CACNA1I: variants seen among roughly 807,000 people sequenced by gnomAD.
CACNA1I encodes calcium voltage-gated channel subunit alpha1 I.
Under a neutral mutation model 201.6 loss-of-function variants are expected in CACNA1I, and 74 were observed. That is an observed-to-expected ratio of 0.37 (90% CI 0.30 to 0.45). CACNA1I has a LOEUF of 0.45. Ranked by LOEUF, CACNA1I falls within the 20% of genes least tolerant of loss-of-function variation. The pLI is 1.00. For missense variants in CACNA1I, 2,346 were observed against 3,138.1 expected, an observed-to-expected ratio of 0.75 and a Z score of 6.03; for synonymous variants, 1,431 against 1,345.2, an observed-to-expected ratio of 1.06 and a Z score of -1.40.
At chr22:39,603,928 A>T (rs1470683479) in intron 3 of CACNA1I, among the ~76,000 whole-genome samples, 4 of 152,244 alleles carry the variant, frequency 2.6e-5, no homozygotes, top group African/African-American at 9.6e-5. Flanking sequence ...ATAAAAATCT[A>T]CAAGTTAAAA....
At chr22:39,596,487 T>C (rs1249389690) in intron 1 of CACNA1I, among the ~76,000 whole-genome samples, 134 of 11,230 alleles carry the variant, frequency 0.012, 1 homozygote, top group Admixed American at 0.023. Context: ...GGGAGCAGGA[T>C]GGAGAGAGAT....
At chr22:39,673,889 C>T (rs909558919) in intron 28 of CACNA1I, 74 bp from the exon 29 acceptor site, 41 of 1,383,924 alleles carry the variant, frequency 3.0e-5, no homozygotes, top group East Asian at 2.3e-4. Flanking sequence ...AGTTTACACA[C>T]GTGCACACAT....
At chr22:39,574,827 G>A (rs561458710) in intron 1 of CACNA1I, among the ~76,000 whole-genome samples, 4 of 152,326 alleles carry the variant, frequency 2.6e-5, no homozygotes, top group South Asian at 4.1e-4. Flanking sequence ...GGCCAGGCCC[G>A]GGAAGGGGAG....
intron 4 of CACNA1I, among the ~76,000 whole-genome samples, chr22:39,624,908 C>CT (rs136810): frequency 0.01 from 1,249 of 119,078 alleles, 14 homozygotes; most frequent in Non-Finnish European, 0.012. Context: ...GGGACACAGT[C>CT]TTTTTTTTTT....
intron 3 of CACNA1I, among the ~76,000 whole-genome samples, chr22:39,606,505 AT>A (rs567253922): frequency 8.3e-4 from 127 of 152,162 alleles, no homozygotes; most frequent in African/African-American, 2.9e-3. Context: ...CATCATCTCT[AT>A]TTGTGTTTGG....
chr22:39,631,665 GTCTC>G (rs999905051), intron 4 of CACNA1I, among the ~76,000 whole-genome samples: 33 of 152,304 alleles, frequency 2.2e-4, no homozygotes, highest in African/African-American at 7.9e-4. Flanking sequence ...TCTGTCTTCT[GTCTC>G]TCTTTCTGTC....
In CACNA1I at chr22:39,619,382, C is replaced by G. The variant is rs1933659143; in HGVS notation, c.555C>G (p.Pro185=). 7 of 1,609,032 alleles carry G rather than the reference C, an allele frequency of 4.4e-6. No individual in the cohort carries two copies. The East Asian group carries it at 1.6e-4, about 36-fold the overall frequency. ...SAIRTVRVLR[P]LKAINRVPSM... Reference sequence around the variant, plus strand: ...TCCGCACCGTGCGCGTCCTGAGGCCCCTCAAAGCCATCAACCGCGTGCCCA... The same window carrying G: ...TCCGCACCGTGCGCGTCCTGAGGCCGCTCAAAGCCATCAACCGCGTGCCCA... Residue 185 remains proline, a synonymous_variant, in exon 4 of 37, where the codon CCC becomes CCG. Coordinates refer to ENST00000402142, the MANE Select transcript of CACNA1I (RefSeq NM_021096.4).
rs1487385009 is a variant in CACNA1I, at chr22:39,662,285, G to C, written c.3222G>C (p.Val1074=). The change falls in exon 17 of 37, where the codon GTG becomes GTC. Residue 1074 remains valine, a synonymous_variant. Coordinates refer to ENST00000402142, the MANE Select transcript of CACNA1I (RefSeq NM_021096.4). ...SVDLAELVPA[V]GAHPRAAWRA... ...ACCTGGCCGAGCTGGTGCCCGCGGT[G>C]GGCGCCCACCCCCGGGCCGCCTGGA... The C allele has an allele frequency of 4.0e-6, 6 of 1,515,128 alleles. No individual in the cohort carries two copies. The East Asian group carries it at 1.3e-4, about 34-fold the overall frequency. 93.9% of individuals were successfully genotyped at this position (1,515,128 alleles called of 1,614,324 possible).
chr22:39,684,229 C>T lies in CACNA1I; in HGVS notation c.5831-73C>T. On this transcript the variant is annotated intron_variant, in intron 35 of 36. Coordinates refer to ENST00000402142, the MANE Select transcript of CACNA1I (RefSeq NM_021096.4). This position sits in a 1 kb window ranked among gnomAD's most constrained non-coding sequence, Gnocchi z 4.6. ...CTGCTGGCCCAGTGAGATTGGTGCT[C>T]AATGCCACCTTCCAGGGGCTGCCCC... The T allele has an allele frequency of 7.4e-7, 1 of 1,358,716 alleles. No individual in the cohort carries two copies. The highest frequency in any genetic ancestry group is 1.0e-6 in the Non-Finnish European group (1 of 967,828). The allele number at this position is 1,358,716 out of a possible 1,614,324, so 84.2% of individuals were successfully genotyped here. A position where few individuals can be genotyped will look rare whatever the true frequency, so the allele number is the denominator to read the frequency against.
intron 1 of CACNA1I, among the ~76,000 whole-genome samples, chr22:39,588,654 G>A (rs1242406373): frequency 3.3e-5 from 5 of 152,104 alleles, no homozygotes; most frequent in Non-Finnish European, 7.4e-5. Flanking sequence ...CAAAGTGCTG[G>A]GATTACAGGC....
Position 39,685,851 on chromosome 22 carries a change from G to C in CACNA1I, c.6118G>C (p.Asp2040His). 6.7e-7 allele frequency: 1 copy of C among 1,481,706 alleles called. No individual in the cohort carries two copies. Among genetic ancestry groups the C allele is most frequent in the Non-Finnish European group, 8.9e-7 (1 of 1,124,674 alleles). The allele number at this position is 1,481,706 out of a possible 1,614,324, so 91.8% of individuals were successfully genotyped here. A position where few individuals can be genotyped will look rare whatever the true frequency, so the allele number is the denominator to read the frequency against. The change falls in exon 37 of 37, where the codon GAC becomes CAC. Residue 2040 changes from aspartate (D) to histidine (H), a missense_variant. Asp to His is a moderately conservative substitution (Grantham distance 81). Around this residue, in one of 13 missense-constraint regions of CACNA1I, gnomAD observed 441 missense variants for 555.6 expected, o/e 0.79. Transcript: ENST00000402142. This position sits in a 1 kb window ranked among gnomAD's most constrained non-coding sequence, Gnocchi z 5.0. ...TTLEDSLTLSDSPRRALGPPA... is the reference protein window; with the variant it reads ...TTLEDSLTLSHSPRRALGPPA... ...GCTCGAGGACAGCCTGACCCTGAGC[G>C]ACAGCCCCCGGCGTGCCCTGGGGCC...
Position 39,595,149 on chromosome 22 carries a change from C to T in CACNA1I, c.237-3002C>T, listed in dbSNP as rs377360691. Among the ~76,000 whole-genome samples, 189 of 151,768 alleles carry T rather than the reference C, an allele frequency of 1.2e-3. 2 individuals carry two copies. The highest frequency in any genetic ancestry group is 1.7e-3 in the Non-Finnish European group (115 of 67,950). On this transcript the variant is annotated intron_variant, in intron 1 of 36. Transcript: ENST00000402142. ...CTAAAATACAAAAAAATTAGCCGGG[C>T]GTGGTGGCGGGCGCCTGTAGTCCCA...
Position 39,648,045 on chromosome 22 carries a change from G to A in CACNA1I, c.1567+119G>A, listed in dbSNP as rs1934543983. ...GGCGCTTGAGCAGCCGCGACCCTCT[G>A]CAGGCCTGTCTCCCTCTATAAAGTG... On this transcript the variant is annotated intron_variant, in intron 9 of 36. Transcript: ENST00000402142. The surrounding 1 kb of genome is among the most constrained non-coding windows in gnomAD (Gnocchi z 5.4). The A allele has an allele frequency of 3.5e-6, 3 of 847,128 alleles. No homozygotes were observed. Among genetic ancestry groups the A allele is most frequent in the African/African-American group, 1.7e-5 (1 of 59,296 alleles). 52.5% of individuals were successfully genotyped at this position (847,128 alleles called of 1,614,324 possible). A position where few individuals can be genotyped will look rare whatever the true frequency, so the allele number is the denominator to read the frequency against.
At position 39,685,077 on chromosome 22, in the gene CACNA1I, C is replaced by T. The variant is rs868090507; in HGVS notation, c.6027+579C>T. On this transcript the variant is annotated intron_variant, in intron 36 of 36. Coordinates refer to ENST00000402142, the MANE Select transcript of CACNA1I (RefSeq NM_021096.4). The surrounding 1 kb of genome is among the most constrained non-coding windows in gnomAD (Gnocchi z 5.0). ...TCCCACAGTGAGTGCAGTTGATTCA[C>T]TGGGTGACTGTCTGACCCGTCACAC... 8.0e-5 allele frequency: 14 copies of T among 175,176 alleles called. No homozygotes were observed. Among genetic ancestry groups the T allele is most frequent in the Middle Eastern group, 2.6e-3 (1 of 380 alleles). 10.9% of individuals were successfully genotyped at this position (175,176 alleles called of 1,614,324 possible).
chr22:39,652,081 T>C (rs1156318631), intron 10 of CACNA1I, among the ~76,000 whole-genome samples: 5 of 150,422 alleles, frequency 3.3e-5, no homozygotes, highest in African/African-American at 9.8e-5. Flanking sequence ...TTGTCCAGGC[T>C]GGAGTGCATT....
chr22:39,591,302 C>T (rs1380598199), intron 1 of CACNA1I, among the ~76,000 whole-genome samples: 1 of 151,836 alleles, frequency 6.6e-6, no homozygotes. Context: ...GCTGGGATTA[C>T]AGATGCCCGC....
rs752033947 is a variant in CACNA1I, at chr22:39,649,777, C to T, written c.1844C>T (p.Ala615Val). 3.7e-6 allele frequency: 6 copies of T among 1,605,992 alleles called. No individual in the cohort carries two copies. The highest frequency in any genetic ancestry group is 1.7e-5 in the Admixed American group (1 of 58,796). Residue 615 changes from alanine to valine, a missense_variant, in exon 10 of 37, where the codon GCG becomes GTG. Physicochemically the swap from Ala to Val is moderately conservative, Grantham distance 64. Coordinates refer to ENST00000402142, the MANE Select transcript of CACNA1I (RefSeq NM_021096.4). The surrounding 1 kb of genome is among the most constrained non-coding windows in gnomAD (Gnocchi z 7.3). ...LGKEEEEEEQ[A>V]DGAVWLCGDV... ...AAGGAGGAGGAGGAGGAGGAGCAGGCGGATGGGGCGGTCTGGCTGTGCGGG... is the reference window on the plus strand; with the variant it reads ...AAGGAGGAGGAGGAGGAGGAGCAGGTGGATGGGGCGGTCTGGCTGTGCGGG...
intron 10 of CACNA1I, 83 bp from the exon 11 acceptor site, chr22:39,658,069 C>A: frequency 1.4e-6 from 2 of 1,464,054 alleles, no homozygotes; most frequent in Non-Finnish European, 1.9e-6. Flanking sequence ...CAGGGTCACA[C>A]AGCCAGGGTG....
rs567647837 is a variant in CACNA1I at position 39,659,576 on chromosome 22, T to C, written c.2448+26T>C. ...GTGAGTGGCCGCTGCGTGTTCATGT[T>C]TGCTGGGGAAGCGATGGGACAGTAG... is the stretch of plus-strand genomic sequence containing the variant. On this transcript the variant is annotated intron_variant, in intron 13 of 36. Transcript: ENST00000402142. This position sits in a 1 kb window ranked among gnomAD's most constrained non-coding sequence, Gnocchi z 4.3. 2 of 1,604,100 alleles carry C rather than the reference T, an allele frequency of 1.2e-6. No homozygotes were observed. The highest frequency in any genetic ancestry group is 1.7e-6 in the Non-Finnish European group (2 of 1,171,338).
Sources: gnomAD v4.1 joint callset for allele counts (sites outside exome capture counted in the v4.1 genomes callset) on GRCh38, gnomAD v4.1.1 for gene constraint, gnomAD v4.1.1 regional missense constraint, Gnocchi (gnomAD v3.1) non-coding constraint, MANE v1.5 for transcripts, NCBI Gene and HGNC (gene_info 2026-07-23, HGNC 2026-07-21) for gene names.